PLA2G7: variants seen among roughly 807,000 people sequenced by gnomAD.
PLA2G7 encodes phospholipase A2 group VII, also known as platelet-activating factor acetylhydrolase.
In PLA2G7, 63 loss-of-function variants were observed where a neutral mutation model predicts 49.6. The observed-to-expected ratio is 1.27, with a 90% CI of 1.04 to 1.57. The LOEUF (loss-of-function observed/expected upper bound fraction) is 1.57. Ranked by LOEUF, PLA2G7 falls within the 40% of genes most tolerant of loss-of-function variation. PLA2G7 has a pLI of 0.00. For synonymous variants in PLA2G7, 193 were observed against 169.9 expected, an observed-to-expected ratio of 1.14 and a Z score of -1.06; for missense variants, 596 against 521.2, an observed-to-expected ratio of 1.14 and a Z score of -1.40.
intron 2 of PLA2G7, 109 bp downstream of exon 2, chr6:46,722,674 G>A: frequency 5.5e-6 from 4 of 724,404 alleles, no homozygotes; most frequent in Non-Finnish European, 1.0e-5. Context: ...ATCTCCATAA[G>A]CCTTTAAATA....
chr6:46,711,005 A>G (rs1765002320), intron 7 of PLA2G7, among the ~76,000 whole-genome samples: 1 of 152,212 alleles, frequency 6.6e-6, no homozygotes, highest in African/African-American at 2.4e-5. Flanking sequence ...GGAAGCCAAT[A>G]TGCTTCACTT....
At position 46,723,021 on chromosome 6, in the gene PLA2G7, T is replaced by C. The variant is rs1196056285; in HGVS notation, c.-34-96A>G. Reference sequence around the variant, plus strand: ...GAAAGGCTGAGGTACTAGTAACACTTGGAAAAAATAAAACATGTATTTTCT... The same window carrying C: ...GAAAGGCTGAGGTACTAGTAACACTCGGAAAAAATAAAACATGTATTTTCT... On this transcript the variant is annotated intron_variant, in intron 1 of 11. Coordinates refer to ENST00000274793, the MANE Select transcript of PLA2G7 (RefSeq NM_005084.4). 3 of 683,406 alleles carry C rather than the reference T, an allele frequency of 4.4e-6. No individual in the cohort carries two copies. The African/African-American group carries it at 5.4e-5, about 12-fold the overall frequency. 42.3% of individuals were successfully genotyped at this position (683,406 alleles called of 1,614,324 possible).
At chr6:46,718,884 A>G (rs763561757) in intron 2 of PLA2G7, among the ~76,000 whole-genome samples, 83 of 152,206 alleles carry the variant, frequency 5.5e-4, no homozygotes, top group Non-Finnish European at 1.1e-3. Flanking sequence ...CACATAGTCA[A>G]TGCTCAACAA....
At chr6:46,718,261 T>C (rs1367258255) in intron 2 of PLA2G7, among the ~76,000 whole-genome samples, 1 of 152,210 alleles carries the variant, frequency 6.6e-6, no homozygotes, top group Non-Finnish European at 1.5e-5. Context: ...TGCCTCCCTA[T>C]CAGCAAGTGT....
chr6:46,717,387 T>C (rs747748105), intron 2 of PLA2G7, among the ~76,000 whole-genome samples: 2 of 152,182 alleles, frequency 1.3e-5, no homozygotes, highest in Non-Finnish European at 2.9e-5. Context: ...CTATCCAGAG[T>C]AAATTAAAGA....
intron 1 of PLA2G7, among the ~76,000 whole-genome samples, chr6:46,723,392 G>A (rs1765464710): frequency 6.6e-6 from 1 of 152,070 alleles, no homozygotes; most frequent in Admixed American, 6.5e-5. Flanking sequence ...GTGTTAATAT[G>A]ATGTTATATT....
At chr6:46,710,809 C>T (rs993849411) in intron 7 of PLA2G7, 151 bp from the exon 8 acceptor site, 2 of 673,640 alleles carry the variant, frequency 3.0e-6, no homozygotes, top group African/African-American at 1.8e-5. Flanking sequence ...CATAATGACA[C>T]AGGCCCCAGC....
chr6:46,722,075 A>G lies in PLA2G7; in HGVS notation c.109+708T>C, dbSNP rs141911701. Among the ~76,000 whole-genome samples the G allele has an allele frequency of 3.5e-4, 54 of 152,290 alleles. No homozygotes were observed. In the East Asian group the frequency reaches 9.5e-3, roughly 27 times the overall value. ...AAAGCTCCAGAAACAATCTTTTTCC[A>G]ATTAAGGTCTCTCTTAGTGACATTA... On this transcript the variant is annotated intron_variant, in intron 2 of 11. Transcript: ENST00000274793.
At position 46,710,753 on chromosome 6, in the gene PLA2G7, G is replaced by T. The variant is rs182542287; in HGVS notation, c.664-95C>A. On this transcript the variant is annotated intron_variant, in intron 7 of 11. Transcript: ENST00000274793. The stretch of plus-strand genomic sequence containing the variant: ...GAAGCTGTATTTGGGAAAAATCGTT[G>T]GTCAGTTATAAACTGGAAATCTGAT... 31 of 943,310 alleles carry T rather than the reference G, an allele frequency of 3.3e-5. No individual in the cohort carries two copies. In the African/African-American group the frequency reaches 4.1e-4, roughly 12 times the overall value. 58.4% of individuals were successfully genotyped at this position (943,310 alleles called of 1,614,324 possible).
rs200567003 is a variant in PLA2G7 at position 46,708,029 on chromosome 6, G to A, written c.1002C>T (p.Cys334=). 5.0e-6 allele frequency: 8 copies of A among 1,586,924 alleles called. No homozygotes were observed. In the East Asian group the frequency reaches 1.6e-4, roughly 31 times the overall value. The part of the protein sequence containing the change: ...YPANIIKMKK[C]YSPDKERKMI... ...TCTTTCTTTCTTTATCAGGTGAGTA[G>A]CATTTTTTCATTTTTATGATATTAG... Residue 334 remains cysteine, a synonymous_variant, in exon 10 of 12, where the codon TGC becomes TGT. Transcript: ENST00000274793.
intron 7 of PLA2G7, among the ~76,000 whole-genome samples, chr6:46,711,049 T>C (rs1765004391): frequency 1.3e-5 from 2 of 152,150 alleles, no homozygotes. Context: ...GTAAGACAAA[T>C]AATGTTTCTA....
At chr6:46,723,557 T>C (rs757148954) in intron 1 of PLA2G7, among the ~76,000 whole-genome samples, 1 of 152,192 alleles carries the variant, frequency 6.6e-6, no homozygotes, top group Non-Finnish European at 1.5e-5. Context: ...ATATGAGATG[T>C]GTGGTAATAA....
Position 46,734,413 on chromosome 6 carries a change from TGTGAGAGAGAGAGAGA to T in PLA2G7, c.-35+751_-35+766del, listed in dbSNP as rs1562083690. Among the ~76,000 whole-genome samples the T allele has an allele frequency of 8.8e-5, 5 of 56,710 alleles. No homozygotes were observed. The East Asian group carries it at 1.1e-3, about 13-fold the overall frequency. 37.2% of individuals were successfully genotyped at this position (56,710 alleles called of 152,430 possible). A position where few individuals can be genotyped will look rare whatever the true frequency, so the allele number is the denominator to read the frequency against. On this transcript the variant is annotated intron_variant, in intron 1 of 11. Transcript: ENST00000274793. ...AGAGGTGTGTAGTGGTGTGTGTGTG[TGTGAGAGAGAGAGAGA>T]GAGAGAGAGAGAGAGAGAGAGAGAG...
rs1765014397 is a variant in PLA2G7 at position 46,711,394 on chromosome 6, G to A, written c.663+102C>T. 3 of 1,270,706 alleles carry A rather than the reference G, an allele frequency of 2.4e-6. No homozygotes were observed. In the South Asian group the frequency reaches 3.6e-5, roughly 15 times the overall value. 78.7% of individuals were successfully genotyped at this position (1,270,706 alleles called of 1,614,324 possible). ...TCTTTTGGGAATGGGAAATAGGAGA[G>A]CTAGGAGCATAACTTGCCAGGTGTA... On this transcript the variant is annotated intron_variant, in intron 7 of 11. Transcript: ENST00000274793.
Position 46,724,231 on chromosome 6 carries a change from C to T in PLA2G7, c.-34-1306G>A, listed in dbSNP as rs530908790. On this transcript the variant is annotated intron_variant, in intron 1 of 11. Coordinates refer to ENST00000274793, the MANE Select transcript of PLA2G7 (RefSeq NM_005084.4). ...CCAATATTTATCACCAACTAACGTA[C>T]CTTGTATGTTATTTGTTAGTTGTTT... Among the ~76,000 whole-genome samples, 108 of 152,286 alleles carry T rather than the reference C, an allele frequency of 7.1e-4. No homozygotes were observed. The South Asian group carries it at 0.022, about 30-fold the overall frequency.
At chr6:46,734,415 TGAGA>T (rs70996386) in intron 1 of PLA2G7, among the ~76,000 whole-genome samples, 1 of 54,298 alleles carries the variant, frequency 1.8e-5, no homozygotes, top group Non-Finnish European at 4.0e-5. Flanking sequence ...TGTGTGTGTG[TGAGA>T]GAGAGAGAGA....
At chr6:46,711,659 C>T in intron 6 of PLA2G7, 40 bp from the exon 7 acceptor site, 1 of 1,608,216 alleles carries the variant, frequency 6.2e-7, no homozygotes, top group Non-Finnish European at 8.5e-7. Context: ...CATGCTCCTT[C>T]CCTTCCTCAT....
In PLA2G7 at chr6:46,734,863, A is replaced by AG. The variant is rs1168651987; in HGVS notation, c.-35+316_-35+317insC. Among the ~76,000 whole-genome samples the AG allele has an allele frequency of 2.3e-4, 35 of 151,806 alleles. 2 individuals are homozygous for AG. In the South Asian group the frequency reaches 6.3e-3, roughly 27 times the overall value. Reference sequence around the variant, plus strand: ...GAACGAAAGAAAGAGAGAGAGAGAGAAAAAAAAGAAAAGAAAACTCCATGT... The same window carrying AG: ...GAACGAAAGAAAGAGAGAGAGAGAGAGAAAAAAAGAAAAGAAAACTCCATGT... On this transcript the variant is annotated intron_variant, in intron 1 of 11. Transcript: ENST00000274793.
At chr6:46,720,980 C>G (rs1348677197) in intron 2 of PLA2G7, among the ~76,000 whole-genome samples, 2 of 152,132 alleles carry the variant, frequency 1.3e-5, no homozygotes, top group Non-Finnish European at 2.9e-5. Context: ...TAAAGAATCA[C>G]CTATTATTTT....
Sources: allele counts gnomAD v4.1 joint callset (sites outside exome capture counted in the v4.1 genomes callset), GRCh38; gene constraint gnomAD v4.1.1; transcripts MANE v1.5; gene names NCBI Gene and HGNC (gene_info 2026-07-23, HGNC 2026-07-21).